PNPLA1: variants seen among roughly 807,000 people sequenced by gnomAD.
The protein encoded by PNPLA1 is patatin like domain 1, omega-hydroxyceramide transacylase, also known as omega-hydroxyceramide transacylase.
In PNPLA1, 36 loss-of-function variants were observed where a neutral mutation model predicts 51.7. That is an observed-to-expected ratio of 0.70 (90% CI 0.53 to 0.92). The LOEUF (loss-of-function observed/expected upper bound fraction) is 0.92. Among genes scored for constraint, PNPLA1 ranks in the 40% least tolerant of loss-of-function variants. The pLI is 0.00. For synonymous variants in PNPLA1, 293 were observed against 280.1 expected (o/e 1.05, Z -0.46); for missense variants, 658 against 682.5 (o/e 0.96, Z 0.40).
upstream of PNPLA1, among the ~76,000 whole-genome samples, chr6:36,267,716 T>C (rs1769795350): frequency 1.3e-5 from 2 of 152,092 alleles, no homozygotes. Flanking sequence ...CACACCCTCC[T>C]CCGCCTGCTT....
At chr6:36,289,531 C>T (rs1479613446) in intron 1 of PNPLA1, among the ~76,000 whole-genome samples, 1 of 152,080 alleles carries the variant, frequency 6.6e-6, no homozygotes, top group African/African-American at 2.4e-5. Context: ...GCACCCTCCC[C>T]TGTAGGAGGG....
intron 5 of PNPLA1, among the ~76,000 whole-genome samples, chr6:36,300,084 G>A (rs977579551): frequency 5.3e-5 from 8 of 151,896 alleles, no homozygotes; most frequent in African/African-American, 1.9e-4. Flanking sequence ...CCCCCACCCA[G>A]GGATCACATT....
Position 36,264,385 on chromosome 6 carries a change from C to A in PNPLA1, c.-81+21124C>A, listed in dbSNP as rs141946388. ...AATGGAAAAGACTGGAGCCAGGGATCATAACACCAAGTAAAAACAGCAATT... is the reference window on the plus strand; with the variant it reads ...AATGGAAAAGACTGGAGCCAGGGATAATAACACCAAGTAAAAACAGCAATT... On this transcript the variant is annotated intron_variant, in intron 1 of 7. Transcript: ENST00000312917. Among the ~76,000 whole-genome samples the A allele has an allele frequency of 3.5e-4, 53 of 152,194 alleles. No individual in the cohort carries two copies. The East Asian group carries it at 9.8e-3, about 28-fold the overall frequency.
intron 3 of PNPLA1, among the ~76,000 whole-genome samples, chr6:36,293,431 T>C (rs1048495107): frequency 1.3e-5 from 2 of 152,224 alleles, no homozygotes; most frequent in African/African-American, 4.8e-5. Context: ...GATGAAGCAC[T>C]GGGACCTGGA....
rs73421617 is a variant in PNPLA1, at chr6:36,283,454, G to T, written c.206-7866G>T. ...TCCCCTGAGTTAGGAGTTCACCCAT[G>T]AATCCTGTGGGTAACCCAACTCTGT... On this transcript the variant is annotated intron_variant, in intron 1 of 8. Coordinates refer to ENST00000636260, the MANE Select transcript of PNPLA1 (RefSeq NM_001374623.1). 7.6e-3 allele frequency among the ~76,000 whole-genome samples: 1,153 copies of T among 152,234 alleles called. 13 individuals are homozygous for T. Among genetic ancestry groups the T allele is most frequent in the African/African-American group, 0.026 (1,064 of 41,534 alleles).
At chr6:36,260,875 A>T (rs767544632) in intron 1 of PNPLA1, among the ~76,000 whole-genome samples, 2 of 152,132 alleles carry the variant, frequency 1.3e-5, no homozygotes, top group Non-Finnish European at 2.9e-5. Flanking sequence ...CCTGGAGTGC[A>T]TGCAGTGGTG....
chr6:36,264,452 A>G (rs146109416), intron 1 of PNPLA1, among the ~76,000 whole-genome samples: 2 of 152,356 alleles, frequency 1.3e-5, no homozygotes, highest in African/African-American at 4.8e-5. Flanking sequence ...GAAATTTTTA[A>G]AAAGATTTAT....
intron 1 of PNPLA1, among the ~76,000 whole-genome samples, chr6:36,259,252 A>G (rs1373396286): frequency 6.6e-6 from 1 of 152,204 alleles, no homozygotes; most frequent in Non-Finnish European, 1.5e-5. Context: ...AGCTAAATTT[A>G]GGGCTCAGGG....
intron 1 of PNPLA1, among the ~76,000 whole-genome samples, chr6:36,246,526 TATCA>T (rs1345535138): frequency 3.3e-5 from 5 of 152,196 alleles, no homozygotes; most frequent in Admixed American, 2.6e-4. Context: ...TAACTCCTCC[TATCA>T]ATCAATTACA....
intron 1 of PNPLA1, among the ~76,000 whole-genome samples, chr6:36,249,943 T>C (rs1424581787): frequency 3.3e-5 from 5 of 152,210 alleles, no homozygotes; most frequent in East Asian, 1.9e-4. Context: ...TGGTTAGTTA[T>C]TGCAATGATG....
intron 1 of PNPLA1, among the ~76,000 whole-genome samples, chr6:36,252,841 A>G (rs1769452271): frequency 6.6e-6 from 1 of 152,160 alleles, no homozygotes; most frequent in African/African-American, 2.4e-5. Context: ...TTGCCTTGCA[A>G]TTTTCATTTT....
intron 1 of PNPLA1, among the ~76,000 whole-genome samples, chr6:36,285,431 G>A (rs530471658): frequency 6.6e-6 from 1 of 152,190 alleles, no homozygotes; most frequent in African/African-American, 2.4e-5. Context: ...ACCTAATTCC[G>A]GTACCCTGTG....
Position 36,294,535 on chromosome 6 carries a change from C to A in PNPLA1, c.714+136C>A. ...TGGTCCTTTAAACTTCCTCCTAGAC[C>A]TGCATCCTGGCCTTGCTGCTAACTA... On this transcript the variant is annotated intron_variant, in intron 4 of 8. Transcript: ENST00000636260. This position sits in a 1 kb window ranked among gnomAD's most constrained non-coding sequence, Gnocchi z 4.2. 1.3e-6 allele frequency: 1 copy of A among 775,602 alleles called. No homozygotes were observed. The highest frequency in any genetic ancestry group is 1.7e-5 in the African/African-American group (1 of 57,686). 48.0% of individuals were successfully genotyped at this position (775,602 alleles called of 1,614,324 possible).
intron 1 of PNPLA1, among the ~76,000 whole-genome samples, chr6:36,282,212 G>GGAAGGGAAGGAAGGAA (rs1554136650): frequency 0.019 from 2,063 of 108,702 alleles, 123 homozygotes; most frequent in East Asian, 0.038. Context: ...AAGGAAGGAA[G>GGAAGGGAAGGAAGGAA]GGAAGGAAGG....
intron 1 of PNPLA1, among the ~76,000 whole-genome samples, chr6:36,273,094 A>C (rs927949862): frequency 2.6e-5 from 4 of 151,842 alleles, no homozygotes; most frequent in Admixed American, 1.3e-4. Flanking sequence ...AAAAATACAA[A>C]AATTAGCCAG....
intron 1 of PNPLA1, among the ~76,000 whole-genome samples, chr6:36,287,978 G>A (rs1361499233): frequency 2.0e-5 from 3 of 152,172 alleles, no homozygotes; most frequent in Admixed American, 6.5e-5. Context: ...GAGTACTTTG[G>A]AATGTCGACA....
chr6:36,301,349 T>C (rs1041783467), intron 5 of PNPLA1, among the ~76,000 whole-genome samples: 1 of 151,984 alleles, frequency 6.6e-6, no homozygotes, highest in African/African-American at 2.4e-5. Context: ...CTAAGGATCC[T>C]AGCTGCTGCC....
intron 1 of PNPLA1, among the ~76,000 whole-genome samples, chr6:36,256,056 C>T (rs570841234): frequency 6.6e-6 from 1 of 152,178 alleles, no homozygotes; most frequent in South Asian, 2.1e-4. Flanking sequence ...GTGTGTCTCA[C>T]TTGTTATATG....
intron 1 of PNPLA1, among the ~76,000 whole-genome samples, chr6:36,289,364 C>T (rs1770604130): frequency 6.6e-6 from 1 of 152,154 alleles, no homozygotes; most frequent in African/African-American, 2.4e-5. Context: ...GGCGAGACCT[C>T]AGTGATCCAA....
Sources: allele counts gnomAD v4.1 joint callset (sites outside exome capture counted in the v4.1 genomes callset), GRCh38; gene constraint gnomAD v4.1.1; non-coding constraint Gnocchi (gnomAD v3.1); transcripts MANE v1.5; gene names NCBI Gene and HGNC (gene_info 2026-07-23, HGNC 2026-07-21).